POLI: variants seen among roughly 807,000 people sequenced by gnomAD.
POLI encodes the protein RAD30 homolog B.
In POLI, 58 loss-of-function variants were observed where a neutral mutation model predicts 51.6. The ratio of observed to expected loss-of-function variants is 1.12; its 90% CI spans 0.91 to 1.40. The LOEUF is 1.40. Ranked by LOEUF, POLI falls within the 40% of genes most tolerant of loss-of-function variation. The pLI is 0.00. For synonymous variants in POLI, 322 were observed against 299.7 expected, an observed-to-expected ratio of 1.07 and a Z score of -0.77; for missense variants, 921 against 871.3, an observed-to-expected ratio of 1.06 and a Z score of -0.72.
chr18:54,313,650 T>C (rs2088697846), intron 3 of POLI, among the ~76,000 whole-genome samples: 1 of 152,222 alleles, frequency 6.6e-6, no homozygotes, highest in African/African-American at 2.4e-5. Context: ...TTTGTAATTC[T>C]CATTGTAGAG....
intron 5 of POLI, 76 bp downstream of exon 5, chr18:54,280,979 GTAAT>G (rs2087474899): frequency 2.6e-6 from 2 of 763,198 alleles, no homozygotes; most frequent in Non-Finnish European, 4.1e-6. Flanking sequence ...TAGATACAAT[GTAAT>G]TAATTCTTAG....
intron 3 of POLI, chr18:54,275,015 G>A (rs1306768404): frequency 6.6e-6 from 1 of 152,146 alleles, no homozygotes; most frequent in African/African-American, 2.4e-5. Flanking sequence ...TAGTGGCCAA[G>A]GAAATTTGAA....
In POLI at chr18:54,269,534, T is replaced by G. The variant is rs774805835; in HGVS notation, c.-13T>G. 10 of 1,507,618 alleles carry G rather than the reference T, an allele frequency of 6.6e-6. No homozygotes were observed. The highest frequency in any genetic ancestry group is 1.5e-5 in the African/African-American group (1 of 68,044). 93.4% of individuals were successfully genotyped at this position (1,507,618 alleles called of 1,614,324 possible). On this transcript the variant is annotated 5_prime_UTR_variant, in exon 1 of 10. Coordinates refer to ENST00000579534, the MANE Select transcript of POLI (RefSeq NM_007195.3). ...AAGCGGCCGGAAGTAGCGCTGCGGTTGGCAGCGGCGGGATGGAGAAGCTGG... is the reference window on the plus strand; with the variant it reads ...AAGCGGCCGGAAGTAGCGCTGCGGTGGGCAGCGGCGGGATGGAGAAGCTGG...
chr18:54,305,516 T>A (rs1297486971), intron 3 of POLI, among the ~76,000 whole-genome samples: 4 of 145,024 alleles, frequency 2.8e-5, no homozygotes, highest in East Asian at 1.9e-4. Flanking sequence ...ATTCTCTTTG[T>A]AGCAATTGTG....
intron 8 of POLI, chr18:54,291,276 G>A (rs2087999765): frequency 6.6e-6 from 1 of 152,296 alleles, no homozygotes; most frequent in Admixed American, 6.5e-5. Context: ...AGAGCTGTGG[G>A]ATCTTCCCAT....
rs1191089004 is a variant in POLI at position 54,298,118 on chromosome 18, AAAC to A, written c.*3652_*3654del. ...ATCTGGATTGTTTTCAATATTAAAA[AAAC>A]TTCTATTTTAAAATCTGTATATAGA... On this transcript the variant is annotated 3_prime_UTR_variant, in exon 10 of 10. Transcript: ENST00000579534. 25 of 922,666 alleles carry A rather than the reference AAAC, an allele frequency of 2.7e-5. No individual in the cohort carries two copies. The highest frequency in any genetic ancestry group is 1.2e-4 in the East Asian group (1 of 8,532). The allele number at this position is 922,666 out of a possible 1,614,324, so 57.2% of individuals were successfully genotyped here. A position where few individuals can be genotyped will look rare whatever the true frequency, so the allele number is the denominator to read the frequency against.
chr18:54,295,263 A>G lies in POLI; in HGVS notation c.*796A>G. 1 of 985,158 alleles carries G rather than the reference A, an allele frequency of 1.0e-6. No individual in the cohort carries two copies. Among genetic ancestry groups the G allele is most frequent in the Non-Finnish European group, 1.2e-6 (1 of 829,690 alleles). 61.0% of individuals were successfully genotyped at this position (985,158 alleles called of 1,614,324 possible). A position where few individuals can be genotyped will look rare whatever the true frequency, so the allele number is the denominator to read the frequency against. ...TAGCTAGTTTGAAGGGCCTAAAAGCACTGAGATGTTTTTGTATCTTCCCTA... is the reference window on the plus strand; with the variant it reads ...TAGCTAGTTTGAAGGGCCTAAAAGCGCTGAGATGTTTTTGTATCTTCCCTA... On this transcript the variant is annotated 3_prime_UTR_variant, in exon 10 of 10. Coordinates refer to ENST00000579534, the MANE Select transcript of POLI (RefSeq NM_007195.3).
At chr18:54,290,023 T>C (rs971080831) in intron 8 of POLI, among the ~76,000 whole-genome samples, 1 of 152,096 alleles carries the variant, frequency 6.6e-6, no homozygotes, top group African/African-American at 2.4e-5. Context: ...AAAGAAACTA[T>C]CAGCAGAGTG....
intron 4 of POLI, among the ~76,000 whole-genome samples, chr18:54,279,241 C>CTTTT (rs769828054): frequency 4.2e-5 from 5 of 119,128 alleles, no homozygotes; most frequent in Admixed American, 8.8e-5. Flanking sequence ...TATGTCTTTT[C>CTTTT]TTTTTTTTTT....
At chr18:54,293,277 C>T (rs1052673886) in intron 9 of POLI, among the ~76,000 whole-genome samples, 16 of 151,658 alleles carry the variant, frequency 1.1e-4, no homozygotes, top group African/African-American at 3.1e-4. Flanking sequence ...GCCCTTGATG[C>T]TATATGTGTA....
At chr18:54,269,506 C>A (rs2144405974), upstream of POLI, 3 of 1,500,506 alleles carry the variant, frequency 2.0e-6, no homozygotes, top group Non-Finnish European at 2.7e-6. Context: ...GGAGACCAGG[C>A]GGAAGCGGCC....
In POLI at chr18:54,280,769, G is replaced by A; in HGVS notation, c.662G>A (p.Cys221Tyr). ...TATAATCAGTTGGGGCTCACTGGCT[G>A]TGCTGGAGTGGCTTCTAATAAACTG... is the stretch of plus-strand genomic sequence containing the variant. ...AMYNQLGLTG[C>Y]AGVASNKLLA... Residue 221 changes from cysteine to tyrosine, a missense_variant, in exon 5 of 10, where the codon TGT becomes TAT. Coordinates refer to ENST00000579534, the MANE Select transcript of POLI (RefSeq NM_007195.3). The A allele has an allele frequency of 6.2e-7, 1 of 1,613,684 alleles. No individual in the cohort carries two copies.
intron 9 of POLI, among the ~76,000 whole-genome samples, 163 bp from the exon 10 acceptor site, chr18:54,293,486 A>G (rs2088123283): frequency 6.6e-6 from 1 of 152,084 alleles, no homozygotes. Context: ...TAGTGTGAAT[A>G]ATTGTGGTAG....
intron 3 of POLI, chr18:54,274,918 CA>C (rs1452756228): frequency 6.6e-6 from 1 of 151,960 alleles, no homozygotes; most frequent in Non-Finnish European, 1.5e-5. Context: ...AACCTAATAA[CA>C]AAGGACAAAG....
chr18:54,287,503 C>A, intron 8 of POLI, 92 bp downstream of exon 8: 1 of 865,104 alleles, frequency 1.2e-6, no homozygotes, highest in Non-Finnish European at 1.8e-6. Flanking sequence ...AATGGAGGGT[C>A]TTCACAGGGA....
Position 54,290,431 on chromosome 18 carries a change from A to G in POLI, c.1199-1402A>G, listed in dbSNP as rs191812783. On this transcript the variant is annotated intron_variant, in intron 8 of 9. Transcript: ENST00000579534. ...TGGATGACAGTGTGGTGATTCCTCA[A>G]GGATCTAGAACTAGAAATACCATTT... Among the ~76,000 whole-genome samples the G allele has an allele frequency of 9.3e-3, 1,424 of 152,326 alleles. 11 individuals carry two copies. Among genetic ancestry groups the G allele is most frequent in the Non-Finnish European group, 0.014 (972 of 68,030 alleles).
In POLI at chr18:54,284,029, T is replaced by A; in HGVS notation, c.1067+16T>A. On this transcript the variant is annotated intron_variant, in intron 7 of 9. Transcript: ENST00000579534. ...TTTTAAACAGGTGATTTTCAATCCA[T>A]TTTGCCAAGTCATCCTATGTATTCA... 1 of 1,060,516 alleles carries A rather than the reference T, an allele frequency of 9.4e-7. No homozygotes were observed. Among genetic ancestry groups the A allele is most frequent in the Non-Finnish European group, 1.4e-6 (1 of 704,790 alleles). The allele number at this position is 1,060,516 out of a possible 1,614,324, so 65.7% of individuals were successfully genotyped here.
intron 2 of POLI, 105 bp from the exon 3 acceptor site, chr18:54,273,821 A>C (rs2087117206): frequency 3.3e-6 from 2 of 605,952 alleles, no homozygotes; most frequent in Non-Finnish European, 5.2e-6. Flanking sequence ...GATTCTTATC[A>C]AAACTGATTG....
chr18:54,317,234 G>A (rs1416768681), intron 3 of POLI, among the ~76,000 whole-genome samples: 7 of 152,080 alleles, frequency 4.6e-5, no homozygotes, highest in African/African-American at 4.8e-5. Flanking sequence ...GAGCTAAGTC[G>A]CCCCAGTTAC....
Sources: gnomAD v4.1 joint callset for allele counts (sites outside exome capture counted in the v4.1 genomes callset) on GRCh38, gnomAD v4.1.1 for gene constraint, MANE v1.5 for transcripts, NCBI Gene and HGNC (gene_info 2026-07-23, HGNC 2026-07-21) for gene names.